The following ST3GAL2 variants were observed in gnomAD, a reference collection of about 807,000 sequenced individuals.
The protein encoded by ST3GAL2 is ST3 beta-galactoside alpha-2,3-sialyltransferase 2.
Under a neutral mutation model 37.5 loss-of-function variants are expected in ST3GAL2, and 16 were observed. The observed-to-expected ratio is 0.43, with a 90% CI of 0.29 to 0.65. The LOEUF (loss-of-function observed/expected upper bound fraction) is 0.65. ST3GAL2 is among the 30% of genes least tolerant of loss of function. ST3GAL2 has a pLI of 0.17. For synonymous variants in ST3GAL2, 238 were observed against 202.9 expected (o/e 1.17, Z -1.47); for missense variants, 383 against 487.8 (o/e 0.79, Z 2.02).
intron 4 of ST3GAL2, among the ~76,000 whole-genome samples, chr16:70,384,608 G>C (rs1213292449): frequency 6.6e-6 from 1 of 151,690 alleles, no homozygotes; most frequent in East Asian, 1.9e-4. Flanking sequence ...GGGAGACTGA[G>C]GCAGGAGAAT....
At chr16:70,413,692 T>G (rs1010321145) in intron 1 of ST3GAL2, among the ~76,000 whole-genome samples, 1 of 149,702 alleles carries the variant, frequency 6.7e-6, no homozygotes, top group African/African-American at 2.5e-5. Context: ...GTAGAGATCA[T>G]GCCATTGCAC....
chr16:70,393,045 C>T (rs572233367), intron 3 of ST3GAL2, among the ~76,000 whole-genome samples: 210 of 152,060 alleles, frequency 1.4e-3, no homozygotes, highest in African/African-American at 4.8e-3. Flanking sequence ...CTCTATACCA[C>T]CCCCCTTCCT....
At chr16:70,386,647 ATTTTTT>A (rs2047445767) in intron 4 of ST3GAL2, among the ~76,000 whole-genome samples, 1 of 150,670 alleles carries the variant, frequency 6.6e-6, no homozygotes, top group Non-Finnish European at 1.5e-5. Flanking sequence ...AAAAATTTTT[ATTTTTT>A]ATTTTTTTTG....
intron 1 of ST3GAL2, among the ~76,000 whole-genome samples, chr16:70,405,542 A>G (rs1180661606): frequency 3.5e-5 from 1 of 28,554 alleles, no homozygotes; most frequent in South Asian, 4.8e-4. Context: ...CTCCGTCTTA[A>G]AAAAAAAAAA....
Position 70,381,524 on chromosome 16 carries a change from G to T in ST3GAL2, c.*165C>A, listed in dbSNP as rs1597552482. 2 of 774,972 alleles carry T rather than the reference G, an allele frequency of 2.6e-6. No individual in the cohort carries two copies. The highest frequency in any genetic ancestry group is 2.7e-5 in the East Asian group (1 of 36,434). The allele number at this position is 774,972 out of a possible 1,614,324, so 48.0% of individuals were successfully genotyped here. A position where few individuals can be genotyped will look rare whatever the true frequency, so the allele number is the denominator to read the frequency against. ...AACAGAAGCTCCGCCCGACCGCAGC[G>T]CAGATTGGTGCCAGGCCCGGCCGGT... On this transcript the variant is annotated 3_prime_UTR_variant, in exon 7 of 7. Transcript: ENST00000342907.
At chr16:70,409,969 G>A (rs1337149871) in intron 1 of ST3GAL2, among the ~76,000 whole-genome samples, 1 of 151,422 alleles carries the variant, frequency 6.6e-6, no homozygotes, top group Admixed American at 6.6e-5. Flanking sequence ...GTCTTGCTAT[G>A]TTGCCCAGGC....
intron 1 of ST3GAL2, among the ~76,000 whole-genome samples, chr16:70,431,594 G>A (rs1297160933): frequency 2.0e-5 from 3 of 151,966 alleles, no homozygotes; most frequent in African/African-American, 7.3e-5. Flanking sequence ...ATTTAGCCAG[G>A]TGGGAGGATC....
At position 70,405,034 on chromosome 16, in the gene ST3GAL2, A is replaced by G. The variant is rs551405816; in HGVS notation, c.-1003-5501T>C. Among the ~76,000 whole-genome samples, 762 of 151,530 alleles carry G rather than the reference A, an allele frequency of 5.0e-3. 7 individuals carry two copies. Among genetic ancestry groups the G allele is most frequent in the African/African-American group, 0.016 (678 of 41,382 alleles). ...GCGACAGAGTGAGACTCCATCTCAA[A>G]AAAAAAAAAAAAACACCTCATACAC... On this transcript the variant is annotated intron_variant, in intron 1 of 6. Coordinates refer to ENST00000342907, the MANE Select transcript of ST3GAL2 (RefSeq NM_006927.4).
chr16:70,414,826 C>T (rs995750800), intron 1 of ST3GAL2, among the ~76,000 whole-genome samples: 2 of 151,926 alleles, frequency 1.3e-5, no homozygotes, highest in African/African-American at 4.8e-5. Context: ...GCGCCTGCCA[C>T]CACGCCCAGA....
chr16:70,407,465 T>C (rs1215896906), intron 1 of ST3GAL2, among the ~76,000 whole-genome samples: 1 of 152,158 alleles, frequency 6.6e-6, no homozygotes, highest in East Asian at 1.9e-4. Flanking sequence ...AAGTTTGTGG[T>C]CACAAATTTG....
intron 4 of ST3GAL2, among the ~76,000 whole-genome samples, chr16:70,387,532 G>A (rs2047451311): frequency 6.6e-6 from 1 of 151,908 alleles, no homozygotes; most frequent in Non-Finnish European, 1.5e-5. Flanking sequence ...TCCAACCTGG[G>A]TAAGAGAGTG....
intron 4 of ST3GAL2, among the ~76,000 whole-genome samples, chr16:70,384,377 T>TA (rs755331430): frequency 2.0e-5 from 3 of 152,126 alleles, no homozygotes; most frequent in Non-Finnish European, 2.9e-5. Flanking sequence ...AAAGGACAAA[T>TA]ACTGTTATGA....
chr16:70,420,775 C>T (rs1244859523), intron 1 of ST3GAL2, among the ~76,000 whole-genome samples: 1 of 152,190 alleles, frequency 6.6e-6, no homozygotes, highest in East Asian at 1.9e-4. Flanking sequence ...CAGCTATGCT[C>T]ATGGAAACTC....
chr16:70,383,633 AGAAGG>A (rs762564094), intron 4 of ST3GAL2, among the ~76,000 whole-genome samples: 177 of 143,688 alleles, frequency 1.2e-3, no homozygotes, highest in Non-Finnish European at 1.8e-3. Context: ...AGAAAGGAAA[AGAAGG>A]GAAAGGAGAA....
chr16:70,396,338 CATT>C (rs2047516281), intron 2 of ST3GAL2, among the ~76,000 whole-genome samples: 1 of 141,342 alleles, frequency 7.1e-6, no homozygotes, highest in Admixed American at 7.1e-5. Context: ...TAAAATAAAA[CATT>C]ATGTGGATGG....
chr16:70,388,700 T>C (rs565389167), intron 3 of ST3GAL2, among the ~76,000 whole-genome samples, 154 bp from the exon 4 acceptor site: 1 of 152,152 alleles, frequency 6.6e-6, no homozygotes, highest in East Asian at 1.9e-4. Context: ...ATAAAAATGG[T>C]TACAAAGGTG....
At position 70,398,749 on chromosome 16, in the gene ST3GAL2, G is replaced by A. The variant is rs924942323; in HGVS notation, c.-219C>T. On this transcript the variant is annotated 5_prime_UTR_variant, in exon 2 of 7. Transcript: ENST00000342907. The stretch of plus-strand genomic sequence containing the variant: ...GCTGTCCTGTCCCTGAGTCAGGCGG[G>A]GCCCCTGCTTAGGGCTTCATCGGGT... The A allele has an allele frequency of 1.7e-6, 1 of 599,690 alleles. No homozygotes were observed. The highest frequency in any genetic ancestry group is 1.9e-5 in the African/African-American group (1 of 53,976). The allele number at this position is 599,690 out of a possible 1,614,324, so 37.1% of individuals were successfully genotyped here.
chr16:70,414,512 C>T (rs1013844671), intron 1 of ST3GAL2, among the ~76,000 whole-genome samples: 3 of 152,246 alleles, frequency 2.0e-5, no homozygotes, highest in African/African-American at 7.2e-5. Flanking sequence ...ACAAACACCC[C>T]TGATGGAAGG....
intron 1 of ST3GAL2, among the ~76,000 whole-genome samples, chr16:70,408,178 C>A (rs1057229161): frequency 6.6e-6 from 1 of 152,130 alleles, no homozygotes; most frequent in Non-Finnish European, 1.5e-5. Flanking sequence ...ACAAGGTCAG[C>A]CAGGCGGAAG....
Sources: gnomAD v4.1 joint callset for allele counts (sites outside exome capture counted in the v4.1 genomes callset) on GRCh38, gnomAD v4.1.1 for gene constraint, MANE v1.5 for transcripts, NCBI Gene and HGNC (gene_info 2026-07-23, HGNC 2026-07-21) for gene names.